The following SGCZ variants were observed in gnomAD, a reference collection of about 807,000 sequenced individuals.
The protein encoded by SGCZ is zeta-sarcoglycan.
Under a neutral mutation model 41.3 loss-of-function variants are expected in SGCZ, and 40 were observed. That is an observed-to-expected ratio of 0.97 (90% CI 0.75 to 1.26). The LOEUF is 1.26. Among genes scored for constraint, SGCZ ranks in the 50% most tolerant of loss-of-function variants. The probability of loss-of-function intolerance (pLI) is 0.00; values close to 1 mark genes in which losing one functional copy is unlikely to be tolerated. For synonymous variants in SGCZ, 206 were observed against 137.5 expected (o/e 1.50, Z -3.49); for missense variants, 552 against 369.8 (o/e 1.49, Z -4.04).
At chr8:14,289,578 G>C (rs1800770151) in intron 3 of SGCZ, among the ~76,000 whole-genome samples, 1 of 151,910 alleles carries the variant, frequency 6.6e-6, no homozygotes, top group South Asian at 2.1e-4. Context: ...ACTGACCATT[G>C]GTCTATGTGT....
At chr8:14,677,334 T>G (rs1320298603) in intron 1 of SGCZ, among the ~76,000 whole-genome samples, 1 of 152,170 alleles carries the variant, frequency 6.6e-6, no homozygotes, top group Non-Finnish European at 1.5e-5. Flanking sequence ...TATTTCATGT[T>G]CATGGATAGG....
chr8:14,249,900 T>C (rs1799229478), intron 3 of SGCZ, among the ~76,000 whole-genome samples: 1 of 152,152 alleles, frequency 6.6e-6, no homozygotes, highest in Non-Finnish European at 1.5e-5. Context: ...TCTAGCTAAA[T>C]CAAAAGAGTA....
At chr8:14,177,970 T>TTC (rs1804604333) in intron 4 of SGCZ, among the ~76,000 whole-genome samples, 1 of 142,234 alleles carries the variant, frequency 7.0e-6, no homozygotes, top group African/African-American at 2.6e-5. Flanking sequence ...TTTTTTTTTT[T>TTC]TTTTTGAGAC....
chr8:14,407,137 G>C (rs1193685555), intron 2 of SGCZ, among the ~76,000 whole-genome samples: 1 of 146,794 alleles, frequency 6.8e-6, no homozygotes, highest in Admixed American at 6.9e-5. Context: ...GGTGCCATCT[G>C]GGTACACTGC....
At chr8:14,262,319 C>A (rs1585294477) in intron 3 of SGCZ, among the ~76,000 whole-genome samples, 2 of 152,070 alleles carry the variant, frequency 1.3e-5, no homozygotes, top group Admixed American at 1.3e-4. Context: ...TTTCAGTTGC[C>A]TTACGTTGTT....
At chr8:15,084,606 G>T (rs1736448322) in intron 1 of SGCZ, among the ~76,000 whole-genome samples, 1 of 152,056 alleles carries the variant, frequency 6.6e-6, no homozygotes, top group Non-Finnish European at 1.5e-5. Flanking sequence ...ACAAAAATTA[G>T]CTGGGCGTGG....
At chr8:14,842,955 G>A (rs1168243276) in intron 1 of SGCZ, among the ~76,000 whole-genome samples, 1 of 152,194 alleles carries the variant, frequency 6.6e-6, no homozygotes, top group African/African-American at 2.4e-5. Flanking sequence ...GCTCATGCCT[G>A]TAATCCCAGC....
At chr8:14,534,990 G>A (rs893177567) in intron 2 of SGCZ, among the ~76,000 whole-genome samples, 1 of 151,780 alleles carries the variant, frequency 6.6e-6, no homozygotes, top group African/African-American at 2.4e-5. Context: ...TAAAGTCCCT[G>A]GACCTTCTAG....
intron 1 of SGCZ, among the ~76,000 whole-genome samples, chr8:14,928,942 A>G (rs1263656270): frequency 6.6e-6 from 1 of 152,130 alleles, no homozygotes; most frequent in Non-Finnish European, 1.5e-5. Context: ...CAGGAGCTTG[A>G]TGTTATGAAA....
chr8:14,530,717 G>A (rs1009811567), intron 2 of SGCZ, among the ~76,000 whole-genome samples: 1 of 152,052 alleles, frequency 6.6e-6, no homozygotes, highest in Non-Finnish European at 1.5e-5. Flanking sequence ...GCACAGTAGT[G>A]CTTGCTTATA....
intron 1 of SGCZ, among the ~76,000 whole-genome samples, chr8:14,884,757 A>G (rs1457611703): frequency 6.6e-6 from 1 of 152,162 alleles, no homozygotes; most frequent in African/African-American, 2.4e-5. Context: ...GTAACATTAT[A>G]TTTTATGTTA....
chr8:14,757,718 C>G (rs1310970855), intron 1 of SGCZ, among the ~76,000 whole-genome samples: 2 of 152,200 alleles, frequency 1.3e-5, no homozygotes, highest in Non-Finnish European at 2.9e-5. Flanking sequence ...CAAATCGAAT[C>G]AGAACCTAAA....
intron 1 of SGCZ, among the ~76,000 whole-genome samples, chr8:14,975,789 T>TTATATA (rs371834276): frequency 1.3e-3 from 167 of 125,444 alleles, no homozygotes; most frequent in Admixed American, 2.6e-3. Context: ...TTTTCCACTT[T>TTATATA]TATATATATA....
intron 1 of SGCZ, among the ~76,000 whole-genome samples, chr8:14,707,514 A>G (rs916674929): frequency 6.6e-6 from 1 of 152,168 alleles, no homozygotes; most frequent in African/African-American, 2.4e-5. Context: ...ATAAAAAACA[A>G]AAGAACCTCA....
At chr8:14,541,975 GC>G (rs1304617070) in intron 2 of SGCZ, among the ~76,000 whole-genome samples, 1 of 151,954 alleles carries the variant, frequency 6.6e-6, no homozygotes, top group Non-Finnish European at 1.5e-5. Flanking sequence ...TTTTGATGAG[GC>G]TTTTTGTTTT....
intron 2 of SGCZ, among the ~76,000 whole-genome samples, chr8:14,342,801 G>A (rs1025646059): frequency 4.6e-5 from 7 of 152,210 alleles, no homozygotes; most frequent in South Asian, 2.1e-4. Context: ...TGCATAAGTA[G>A]CAAGGAACCT....
chr8:14,570,178 G>A (rs1304066116), intron 1 of SGCZ, among the ~76,000 whole-genome samples: 1 of 152,118 alleles, frequency 6.6e-6, no homozygotes, highest in African/African-American at 2.4e-5. Flanking sequence ...ACTCCTTCAA[G>A]CAGAGCAGGT....
intron 2 of SGCZ, among the ~76,000 whole-genome samples, chr8:14,370,717 T>C (rs1305273899): frequency 6.6e-6 from 1 of 151,964 alleles, no homozygotes; most frequent in Non-Finnish European, 1.5e-5. Flanking sequence ...AGACTTGATT[T>C]TTTTCTGTCT....
At chr8:14,647,852 G>A (rs1280465451) in intron 1 of SGCZ, among the ~76,000 whole-genome samples, 1 of 152,054 alleles carries the variant, frequency 6.6e-6, no homozygotes, top group Non-Finnish European at 1.5e-5. Flanking sequence ...GTAAGTTGAA[G>A]TTATTGACAG....
Sources: allele counts gnomAD v4.1 joint callset (sites outside exome capture counted in the v4.1 genomes callset), GRCh38; gene constraint gnomAD v4.1.1; transcripts MANE v1.5; gene names NCBI Gene and HGNC (gene_info 2026-07-23, HGNC 2026-07-21).